The following COL26A1 variants were observed in gnomAD, a reference collection of about 807,000 sequenced individuals.
The protein encoded by COL26A1 is collagen type XXVI alpha 1 chain, also known as collagen alpha-1(XXVI) chain.
COL26A1 carries 41 observed loss-of-function variants against 59.3 expected under a neutral mutation model. The ratio of observed to expected loss-of-function variants is 0.69; its 90% CI spans 0.54 to 0.90. The LOEUF (loss-of-function observed/expected upper bound fraction) is 0.90, where lower values mean the gene tolerates loss of function less well. Ranked by LOEUF, COL26A1 falls within the 40% of genes least tolerant of loss-of-function variation. The pLI, the probability that COL26A1 is intolerant of heterozygous loss-of-function variation, is 0.00. For missense variants in COL26A1, 612 were observed against 602.3 expected (o/e 1.02, Z -0.17); for synonymous variants, 266 against 256.0 (o/e 1.04, Z -0.37).
intron 1 of COL26A1, among the ~76,000 whole-genome samples, chr7:101,375,068 AT>A (rs57804886): frequency 4.7e-5 from 7 of 150,292 alleles, no homozygotes; most frequent in East Asian, 2.0e-4. Context: ...TTAAAAAAAA[AT>A]TTTTTTTAAA....
At chr7:101,489,635 T>G (rs192860625) in intron 3 of COL26A1, among the ~76,000 whole-genome samples, 784 of 67,238 alleles carry the variant, frequency 0.012, 13 homozygotes, top group Non-Finnish European at 0.012. Flanking sequence ...CTTTCTTTCT[T>G]TCTTTCTTTC....
At chr7:101,553,875 G>A (rs937342436) in intron 11 of COL26A1, among the ~76,000 whole-genome samples, 2 of 152,214 alleles carry the variant, frequency 1.3e-5, no homozygotes, top group African/African-American at 4.8e-5. Flanking sequence ...GAAGATTGGA[G>A]CAAGCGGAGG....
intron 1 of COL26A1, among the ~76,000 whole-genome samples, chr7:101,387,516 C>T (rs935186703): frequency 2.0e-5 from 3 of 150,278 alleles, no homozygotes; most frequent in Non-Finnish European, 4.4e-5. Context: ...GTAAAATAGA[C>T]CTAACAGACG....
At chr7:101,538,443 T>C (rs1187775838) in intron 4 of COL26A1, among the ~76,000 whole-genome samples, 1 of 152,224 alleles carries the variant, frequency 6.6e-6, no homozygotes, top group East Asian at 1.9e-4. Context: ...CTGGGTGATC[T>C]CAGGCAAGTC....
At chr7:101,517,880 C>T (rs1331076656) in intron 3 of COL26A1, among the ~76,000 whole-genome samples, 1 of 132,226 alleles carries the variant, frequency 7.6e-6, no homozygotes, top group Non-Finnish European at 1.5e-5. Flanking sequence ...GTGGTGCAAT[C>T]ATAGCTCACT....
intron 3 of COL26A1, among the ~76,000 whole-genome samples, chr7:101,480,231 A>G (rs1186058434): frequency 1.3e-5 from 2 of 152,136 alleles, no homozygotes; most frequent in Non-Finnish European, 2.9e-5. Context: ...ATTTTGGGCA[A>G]TATTCTCAGA....
At chr7:101,532,143 C>T (rs910395637) in intron 3 of COL26A1, among the ~76,000 whole-genome samples, 10 of 152,076 alleles carry the variant, frequency 6.6e-5, no homozygotes, top group East Asian at 3.8e-4. Flanking sequence ...TCTCGGGCCT[C>T]GGGGGAGACA....
At chr7:101,549,286 C>G in intron 9 of COL26A1, 63 bp downstream of exon 9, 1 of 1,164,112 alleles carries the variant, frequency 8.6e-7, no homozygotes, top group East Asian at 2.5e-5. Context: ...GCCTTGTCTC[C>G]CTAGGGGAGA....
intron 2 of COL26A1, among the ~76,000 whole-genome samples, chr7:101,437,578 T>C (rs1038026606): frequency 6.6e-6 from 1 of 151,732 alleles, no homozygotes; most frequent in African/African-American, 2.4e-5. Context: ...TGTCCTAAGA[T>C]TTTTTTTCTT....
chr7:101,446,046 C>CAAAAA (rs60343304), intron 2 of COL26A1, among the ~76,000 whole-genome samples: 15 of 50,998 alleles, frequency 2.9e-4, no homozygotes, highest in South Asian at 9.9e-4. Context: ...GACTCCGTCT[C>CAAAAA]AAAAAAAAAA....
intron 1 of COL26A1, among the ~76,000 whole-genome samples, chr7:101,413,141 TGCAA>T (rs1792282675): frequency 6.6e-6 from 1 of 152,198 alleles, no homozygotes. Context: ...GAAAGTACTG[TGCAA>T]GCAAGCCTTG....
At position 101,557,372 on chromosome 7, in the gene COL26A1, C is replaced by T. The variant is rs368581663; in HGVS notation, c.1168C>T (p.Pro390Ser). ...CCACCCTCCTGCTCTCCTTCCAGATCCCCTGGCCTCCCCAGAGGGAGGTTC... is the reference window on the plus strand; with the variant it reads ...CCACCCTCCTGCTCTCCTTCCAGATTCCCTGGCCTCCCCAGAGGGAGGTTC... ...ILEHMIGIHD[P>S]LASPEGGSGQ... Residue 390 changes from proline to serine, a missense_variant and splice_region_variant, in exon 13 of 13, where the codon CCC (proline) becomes TCC (serine). Physicochemically the swap from Pro to Ser is moderately conservative, Grantham distance 74 (BLOSUM62 -1). Transcript: ENST00000313669. 6.2e-7 allele frequency: 1 copy of T among 1,612,184 alleles called. No individual in the cohort carries two copies.
intron 3 of COL26A1, among the ~76,000 whole-genome samples, chr7:101,498,474 A>G (rs1584464331): frequency 6.6e-6 from 1 of 152,186 alleles, no homozygotes; most frequent in East Asian, 1.9e-4. Flanking sequence ...AGAGTGTGGC[A>G]TGAGCACTGC....
chr7:101,403,619 G>C (rs62465633), intron 1 of COL26A1, among the ~76,000 whole-genome samples: 27,850 of 152,080 alleles, frequency 0.18, 2,905 homozygotes, highest in Non-Finnish European at 0.24. Context: ...CTCAAGTGAT[G>C]CTCCTGCCTC....
intron 3 of COL26A1, among the ~76,000 whole-genome samples, chr7:101,494,200 C>T (rs1035662006): frequency 6.7e-6 from 1 of 149,404 alleles, no homozygotes; most frequent in African/African-American, 2.5e-5. Flanking sequence ...GGTGTTAGCT[C>T]ACTGCAAACT....
At chr7:101,443,437 GT>G (rs1327129390) in intron 2 of COL26A1, among the ~76,000 whole-genome samples, 1 of 152,222 alleles carries the variant, frequency 6.6e-6, no homozygotes, top group Non-Finnish European at 1.5e-5. Flanking sequence ...CTGAAATCCA[GT>G]TCTCCACTCG....
intron 3 of COL26A1, 57 bp from the exon 4 acceptor site, chr7:101,533,025 C>T: frequency 1.5e-6 from 2 of 1,344,566 alleles, no homozygotes; most frequent in Non-Finnish European, 2.1e-6. Flanking sequence ...GGTGACTGGG[C>T]TGCTGTCTTC....
At chr7:101,431,592 A>G (rs1417028173) in intron 2 of COL26A1, among the ~76,000 whole-genome samples, 1 of 151,910 alleles carries the variant, frequency 6.6e-6, no homozygotes, top group Non-Finnish European at 1.5e-5. Context: ...TTATCAAATT[A>G]AGGAAGTTTT....
intron 2 of COL26A1, among the ~76,000 whole-genome samples, chr7:101,428,382 G>A (rs1029656492): frequency 1.3e-4 from 19 of 150,018 alleles, no homozygotes; most frequent in African/African-American, 4.7e-4. Flanking sequence ...AAGGCAAAGA[G>A]AATGATATTT....
Sources: allele counts gnomAD v4.1 joint callset (sites outside exome capture counted in the v4.1 genomes callset), GRCh38; gene constraint gnomAD v4.1.1; transcripts MANE v1.5; gene names NCBI Gene and HGNC (gene_info 2026-07-23, HGNC 2026-07-21).